TCERG1L: variants seen among roughly 807,000 people sequenced by gnomAD.
The protein encoded by TCERG1L is transcription elongation regulator 1 like, also known as transcription elongation regulator 1-like protein.
Under a neutral mutation model 56.3 loss-of-function variants are expected in TCERG1L, and 37 were observed. The ratio of observed to expected loss-of-function variants is 0.66; its 90% CI spans 0.51 to 0.87. TCERG1L has a LOEUF of 0.87. Among genes scored for constraint, TCERG1L ranks in the 40% least tolerant of loss-of-function variants. TCERG1L has a pLI of 0.00. For missense variants in TCERG1L, 799 were observed against 774.2 expected, an observed-to-expected ratio of 1.03 and a Z score of -0.38; for synonymous variants, 324 against 326.3, an observed-to-expected ratio of 0.99 and a Z score of 0.08.
rs993336522 is a variant in TCERG1L, at chr10:131,252,503, T to G, written c.856+7756A>C. Among the ~76,000 whole-genome samples, 13 of 152,142 alleles carry G rather than the reference T, an allele frequency of 8.5e-5. No homozygotes were observed. The South Asian group carries it at 1.5e-3, about 17-fold the overall frequency. On this transcript the variant is annotated intron_variant, in intron 4 of 11. Coordinates refer to ENST00000368642, the MANE Select transcript of TCERG1L (RefSeq NM_174937.4). The stretch of plus-strand genomic sequence containing the variant: ...ACCCCTGGGCAAACACAGGCCTGCA[T>G]GCTCCTGAACACAGGCTGTCCTCCC...
At chr10:131,238,122 G>A (rs2133517771) in intron 4 of TCERG1L, among the ~76,000 whole-genome samples, 1 of 152,210 alleles carries the variant, frequency 6.6e-6, no homozygotes, top group East Asian at 1.9e-4. Context: ...CTCTCCACCT[G>A]CTAGACCCCG....
chr10:131,281,177 C>A (rs1394910512), intron 3 of TCERG1L, among the ~76,000 whole-genome samples: 1 of 152,158 alleles, frequency 6.6e-6, no homozygotes, highest in Non-Finnish European at 1.5e-5. Flanking sequence ...GCAAATTGTA[C>A]AATACCACGC....
chr10:131,260,878 G>T lies in TCERG1L; in HGVS notation c.671-434C>A, dbSNP rs1215372943. On this transcript the variant is annotated intron_variant, in intron 3 of 11. Coordinates refer to ENST00000368642, the MANE Select transcript of TCERG1L (RefSeq NM_174937.4). This position sits in a 1 kb window ranked among gnomAD's most constrained non-coding sequence, Gnocchi z 5.8. ...AAGTGGGGGTGGTTTGGAAGAAGGG[G>T]CAGCTGTGGGCCAGGGTGGAGAGAG... 6.6e-6 allele frequency among the ~76,000 whole-genome samples: 1 copy of T among 152,210 alleles called. No homozygotes were observed. The highest frequency in any genetic ancestry group is 1.9e-4 in the East Asian group (1 of 5,188).
At chr10:131,261,804 A>G (rs1302172178) in intron 3 of TCERG1L, among the ~76,000 whole-genome samples, 1 of 152,196 alleles carries the variant, frequency 6.6e-6, no homozygotes, top group Non-Finnish European at 1.5e-5. Context: ...GCCGGTGGGC[A>G]TAGTGGGAAA....
intron 3 of TCERG1L, among the ~76,000 whole-genome samples, chr10:131,271,903 T>C (rs556300564): frequency 1.3e-5 from 2 of 152,332 alleles, no homozygotes; most frequent in Admixed American, 1.3e-4. Context: ...AGCAACTGAT[T>C]TCAGCTCCAG....
intron 4 of TCERG1L, among the ~76,000 whole-genome samples, chr10:131,193,378 C>T (rs1436510810): frequency 3.3e-5 from 5 of 152,106 alleles, no homozygotes; most frequent in African/African-American, 1.2e-4. Context: ...GTTCCATTTG[C>T]CTACTTTTTT....
At chr10:131,181,319 C>G (rs1845173655) in intron 4 of TCERG1L, among the ~76,000 whole-genome samples, 1 of 152,222 alleles carries the variant, frequency 6.6e-6, no homozygotes, top group Non-Finnish European at 1.5e-5. Flanking sequence ...GCACCACCAG[C>G]AACACCAGGG....
At chr10:131,135,091 T>C (rs1041999716) in intron 7 of TCERG1L, among the ~76,000 whole-genome samples, 1 of 152,232 alleles carries the variant, frequency 6.6e-6, no homozygotes, top group African/African-American at 2.4e-5. Flanking sequence ...TTTCCTGTGG[T>C]TCTCCAGGAG....
chr10:131,237,651 T>A (rs1845926667), intron 4 of TCERG1L, among the ~76,000 whole-genome samples: 1 of 152,186 alleles, frequency 6.6e-6, no homozygotes, highest in Admixed American at 6.5e-5. Context: ...AAGGAAGACG[T>A]TCCTAGGAGG....
chr10:131,197,775 T>C (rs1290747100), intron 4 of TCERG1L, among the ~76,000 whole-genome samples: 2 of 152,172 alleles, frequency 1.3e-5, no homozygotes, highest in African/African-American at 4.8e-5. Context: ...TAAATACAAA[T>C]GTGTATCTTT....
At chr10:131,268,547 G>A (rs1846308216) in intron 3 of TCERG1L, among the ~76,000 whole-genome samples, 1 of 152,148 alleles carries the variant, frequency 6.6e-6, no homozygotes, top group Admixed American at 6.5e-5. Flanking sequence ...CTCCTCTATA[G>A]CTATAAAAGT....
chr10:131,250,888 C>G (rs553546676), intron 4 of TCERG1L, among the ~76,000 whole-genome samples: 1 of 152,186 alleles, frequency 6.6e-6, no homozygotes, highest in Non-Finnish European at 1.5e-5. Flanking sequence ...CTCTTTCTCA[C>G]GGCTCCATGT....
intron 6 of TCERG1L, among the ~76,000 whole-genome samples, chr10:131,151,966 T>G (rs907367746): frequency 1.3e-5 from 2 of 152,220 alleles, no homozygotes; most frequent in Non-Finnish European, 2.9e-5. Context: ...CTTTTAGCCA[T>G]GGCTGATGCT....
intron 11 of TCERG1L, 111 bp from the exon 12 acceptor site, chr10:131,093,429 G>T: frequency 7.5e-7 from 1 of 1,339,106 alleles, no homozygotes; most frequent in Non-Finnish European, 1.0e-6. Flanking sequence ...ACCAGGCCTG[G>T]CCGTGGGTGG....
chr10:131,248,506 C>G (rs1244519155), intron 4 of TCERG1L, among the ~76,000 whole-genome samples: 2 of 152,182 alleles, frequency 1.3e-5, no homozygotes, highest in Admixed American at 6.5e-5. Flanking sequence ...TCAGCCACAC[C>G]TGGTGCCCAG....
chr10:131,259,517 G>A lies in TCERG1L; in HGVS notation c.856+742C>T, dbSNP rs184959259. On this transcript the variant is annotated intron_variant, in intron 4 of 11. Coordinates refer to ENST00000368642, the MANE Select transcript of TCERG1L (RefSeq NM_174937.4). Reference sequence around the variant, plus strand: ...CACAAGGATGTCTGGGTCACGAAGCGTGCAGGTTACAGTTAGTGGATGGAC... The same window carrying A: ...CACAAGGATGTCTGGGTCACGAAGCATGCAGGTTACAGTTAGTGGATGGAC... 5.5e-4 allele frequency among the ~76,000 whole-genome samples: 84 copies of A among 152,288 alleles called. 1 individual carries two copies. The highest frequency in any genetic ancestry group is 1.8e-3 in the African/African-American group (75 of 41,556).
At chr10:131,188,542 C>T (rs1354467568) in intron 4 of TCERG1L, among the ~76,000 whole-genome samples, 1 of 152,202 alleles carries the variant, frequency 6.6e-6, no homozygotes, top group Non-Finnish European at 1.5e-5. Context: ...CTAATTTATA[C>T]ATTTCCATTA....
intron 10 of TCERG1L, among the ~76,000 whole-genome samples, chr10:131,099,527 A>G (rs1845284326): frequency 1.3e-5 from 2 of 152,210 alleles, no homozygotes; most frequent in African/African-American, 4.8e-5. Flanking sequence ...CACCAATCCA[A>G]CCAACGGCCA....
chr10:131,194,182 C>T (rs536353144), intron 4 of TCERG1L, among the ~76,000 whole-genome samples: 100 of 152,368 alleles, frequency 6.6e-4, no homozygotes, highest in African/African-American at 2.3e-3. Context: ...CTTTTTGTTG[C>T]TCCATTCAAC....
Sources: allele counts gnomAD v4.1 joint callset (sites outside exome capture counted in the v4.1 genomes callset), GRCh38; gene constraint gnomAD v4.1.1; non-coding constraint Gnocchi (gnomAD v3.1); transcripts MANE v1.5; gene names NCBI Gene and HGNC (gene_info 2026-07-23, HGNC 2026-07-21).